The following XAB2 variants were observed in gnomAD, a reference collection of about 807,000 sequenced individuals.
XAB2 encodes XPA binding protein 2.
Under a neutral mutation model 113.4 loss-of-function variants are expected in XAB2, and 57 were observed. The observed-to-expected ratio is 0.50, with a 90% CI of 0.41 to 0.63. The LOEUF (loss-of-function observed/expected upper bound fraction) is 0.63, where lower values mean the gene tolerates loss of function less well. Ranked by LOEUF, XAB2 falls within the 20% of genes least tolerant of loss-of-function variation. The pLI is 0.00. For synonymous variants in XAB2, 497 were observed against 498.8 expected (o/e 1.00, Z 0.05); for missense variants, 1,037 against 1,233.3 (o/e 0.84, Z 2.38).
intron 12 of XAB2, 140 bp downstream of exon 12, chr19:7,622,191 G>A: frequency 1.2e-6 from 1 of 813,750 alleles, no homozygotes; most frequent in African/African-American, 1.7e-5. Context: ...CCAGGACGGG[G>A]AGAAGCTAAA....
rs371192037 is a variant in XAB2, at chr19:7,620,423, C to T, written c.2118G>A (p.Thr706=). 78 of 1,610,082 alleles carry T rather than the reference C, an allele frequency of 4.8e-5. No individual in the cohort carries two copies. Among genetic ancestry groups the T allele is most frequent in the Non-Finnish European group, 5.6e-5 (66 of 1,179,190 alleles). Residue 706 remains threonine (T), a synonymous_variant, in exon 16 of 19, where the codon ACG becomes ACA. Transcript: ENST00000358368. ...CATGCCGGACCTCAAAGTCCTTCCA[C>T]GTCTGCCAGAACGCGCCGGTCGTCT... ...DPRTTGAFWQ[T]WKDFEVRHGN... is the part of the protein sequence containing the mutation.
At position 7,621,449 on chromosome 19, in the gene XAB2, G is replaced by A. The variant is rs950561712; in HGVS notation, c.1618-152C>T. ...CCTCCCTGTCCCTAATGGCAGTTGT[G>A]GGGGTCTGTCCTCTGCACTGTCTCC... On this transcript the variant is annotated intron_variant, in intron 12 of 18. Transcript: ENST00000358368. 7 of 805,690 alleles carry A rather than the reference G, an allele frequency of 8.7e-6. No individual in the cohort carries two copies. In the East Asian group the frequency reaches 1.8e-4, roughly 21 times the overall value. The allele number at this position is 805,690 out of a possible 1,614,324, so 49.9% of individuals were successfully genotyped here.
chr19:7,628,097 C>T lies in XAB2; in HGVS notation c.200+53G>A. The T allele has an allele frequency of 6.3e-7, 1 of 1,579,474 alleles. No homozygotes were observed. Among genetic ancestry groups the T allele is most frequent in the Admixed American group, 1.9e-5 (1 of 53,844 alleles). On this transcript the variant is annotated intron_variant, in intron 2 of 18. Transcript: ENST00000358368. This position sits in a 1 kb window ranked among gnomAD's most constrained non-coding sequence, Gnocchi z 4.6. ...GACCCACTTGGCAGTTTTGTTATAACTGGACCAGGTGGGGTGGGGGCTGGT... is the reference window on the plus strand; with the variant it reads ...GACCCACTTGGCAGTTTTGTTATAATTGGACCAGGTGGGGTGGGGGCTGGT...
chr19:7,623,172 C>T lies in XAB2; in HGVS notation c.1237G>A (p.Asp413Asn), dbSNP rs773869873. Reference sequence around the variant, plus strand: ...GGCACACGCAACAGGGTGCTCACATCGTCCAGCTGTCCGTTGTCCTCATAA... The same window carrying T: ...GGCACACGCAACAGGGTGCTCACATTGTCCAGCTGTCCGTTGTCCTCATAA... The part of the protein sequence containing the change: ...KFYEDNGQLD[D>N]ARVILEKATK... The change falls in exon 9 of 19, where the codon GAT (aspartate) becomes AAT (asparagine). Residue 413 changes from aspartate (D) to asparagine (N), a missense_variant and splice_region_variant. Asp to Asn is a conservative substitution (Grantham distance 23). Coordinates refer to ENST00000358368, the MANE Select transcript of XAB2 (RefSeq NM_020196.3). The surrounding 1 kb of genome is among the most constrained non-coding windows in gnomAD (Gnocchi z 4.6). The T allele has an allele frequency of 1.9e-6, 3 of 1,613,386 alleles. No individual in the cohort carries two copies. Among genetic ancestry groups the T allele is most frequent in the African/African-American group, 1.3e-5 (1 of 74,946 alleles).
rs2030995078 is a variant in XAB2, at chr19:7,620,043, C to T, written c.2299G>A (p.Asp767Asn). 6.2e-7 allele frequency: 1 copy of T among 1,612,282 alleles called. No individual in the cohort carries two copies. Among genetic ancestry groups the T allele is most frequent in the African/African-American group, 1.3e-5 (1 of 74,950 alleles). The change falls in exon 17 of 19, where the codon GAC becomes AAC. Residue 767 changes from aspartate (D) to asparagine (N), a missense_variant. By Grantham distance (23) the Asp-to-Asn change is conservative (BLOSUM62 1). Transcript: ENST00000358368. ...CGCTGTTCCAGCAGCTTCATGTCGTCCATGCCACTCTGCCCAGGGGCCAGG... is the reference window on the plus strand; with the variant it reads ...CGCTGTTCCAGCAGCTTCATGTCGTTCATGCCACTCTGCCCAGGGGCCAGG... Reference protein sequence around the residue: ...SDLAPGQSGMDDMKLLEQRAE... With the variant: ...SDLAPGQSGMNDMKLLEQRAE...
Position 7,623,386 on chromosome 19 carries a change from C to T in XAB2, c.1120-97G>A. 1 of 1,503,242 alleles carries T rather than the reference C, an allele frequency of 6.7e-7. No homozygotes were observed. The highest frequency in any genetic ancestry group is 9.0e-7 in the Non-Finnish European group (1 of 1,107,938). The allele number at this position is 1,503,242 out of a possible 1,614,324, so 93.1% of individuals were successfully genotyped here. A position where few individuals can be genotyped will look rare whatever the true frequency, so the allele number is the denominator to read the frequency against. ...TCTGAGGGGTGGGGCCTGGAGGGTG[C>T]TGTGGCCCCTGTCGGGAGAGGCCAG... On this transcript the variant is annotated intron_variant, in intron 8 of 18. Transcript: ENST00000358368. The surrounding 1 kb of genome is among the most constrained non-coding windows in gnomAD (Gnocchi z 4.6).
rs749032667 is a variant in XAB2, at chr19:7,624,286, C to A, written c.967+15G>T. On this transcript the variant is annotated intron_variant, in intron 7 of 18. Coordinates refer to ENST00000358368, the MANE Select transcript of XAB2 (RefSeq NM_020196.3). This position sits in a 1 kb window ranked among gnomAD's most constrained non-coding sequence, Gnocchi z 4.2. ...TCAGCTCTCTCCCCACCAGCCGGGGCCCCCAGAGGCTCACCCTCCTCCTCG... is the reference window on the plus strand; with the variant it reads ...TCAGCTCTCTCCCCACCAGCCGGGGACCCCAGAGGCTCACCCTCCTCCTCG... 9.3e-6 allele frequency: 15 copies of A among 1,612,124 alleles called. No individual in the cohort carries two copies. The highest frequency in any genetic ancestry group is 1.3e-5 in the African/African-American group (1 of 75,044).
chr19:7,621,002 C>G lies in XAB2; in HGVS notation c.1815G>C (p.Glu605Asp), dbSNP rs929247855. 4.5e-5 allele frequency: 70 copies of G among 1,564,576 alleles called. No homozygotes were observed. The highest frequency in any genetic ancestry group is 5.7e-5 in the Non-Finnish European group (66 of 1,156,280). The change falls in exon 14 of 19, where the codon GAG (glutamate) becomes GAC (aspartate). Residue 605 changes from glutamate to aspartate, a missense_variant. Transcript: ENST00000358368. ...LYLLYAQLEE[E>D]WGLARHAMAV... is the part of the protein sequence containing the mutation. ...CCATGGCATGCCGGGCCAGGCCCCACTCCTCCTCCAGCTGTGCGTACAGCA... is the reference window on the plus strand; with the variant it reads ...CCATGGCATGCCGGGCCAGGCCCCAGTCCTCCTCCAGCTGTGCGTACAGCA...
chr19:7,623,072 A>G lies in XAB2; in HGVS notation c.1239+98T>C. 4.4e-6 allele frequency: 7 copies of G among 1,574,546 alleles called. No individual in the cohort carries two copies. Among genetic ancestry groups the G allele is most frequent in the Non-Finnish European group, 6.0e-6 (7 of 1,161,098 alleles). On this transcript the variant is annotated intron_variant, in intron 9 of 18. Transcript: ENST00000358368. The surrounding 1 kb of genome is among the most constrained non-coding windows in gnomAD (Gnocchi z 4.6). ...CAAATGCACATGCACACACACGTGC[A>G]CACATCCATGCACAAATATGTACAC...
Position 7,627,361 on chromosome 19 carries a change from C to T in XAB2, c.404G>A (p.Arg135His), listed in dbSNP as rs1182734293. 15 of 1,613,260 alleles carry T rather than the reference C, an allele frequency of 9.3e-6. No individual in the cohort carries two copies. Among genetic ancestry groups the T allele is most frequent in the Admixed American group, 5.0e-5 (3 of 59,978 alleles). The change falls in exon 4 of 19, where the codon CGT becomes CAT. Residue 135 changes from arginine (R) to histidine (H), a missense_variant. Arg to His is a conservative substitution (Grantham distance 29, BLOSUM62 0). Transcript: ENST00000358368. The surrounding 1 kb of genome is among the most constrained non-coding windows in gnomAD (Gnocchi z 4.5). ...RVTHTRRTFDRALRALPITQH... is the reference protein window; with the variant it reads ...RVTHTRRTFDHALRALPITQH... Reference sequence around the variant, plus strand: ...CGTGATGGGCAGTGCCCGGAGGGCACGGTCGAAGGTGCGGCGGGTGTGTGT... The same window carrying T: ...CGTGATGGGCAGTGCCCGGAGGGCATGGTCGAAGGTGCGGCGGGTGTGTGT...
rs1231920156 is a variant in XAB2, at chr19:7,620,590, G to A, written c.2051C>T (p.Ala684Val). Residue 684 changes from alanine (A) to valine (V), a missense_variant, in exon 15 of 19, where the codon GCC becomes GTC. Coordinates refer to ENST00000358368, the MANE Select transcript of XAB2 (RefSeq NM_020196.3). Reference sequence around the variant, plus strand: ...GGAGCAGAAGCTGTAGATGGCCCGGGCGCGGTCAATCTCCCCGAGCTTGCA... The same window carrying A: ...GGAGCAGAAGCTGTAGATGGCCCGGACGCGGTCAATCTCCCCGAGCTTGCA... The part of the protein sequence containing the change: ...MECKLGEIDR[A>V]RAIYSFCSQI... 1.2e-6 allele frequency: 2 copies of A among 1,613,346 alleles called. No individual in the cohort carries two copies. The highest frequency in any genetic ancestry group is 1.7e-5 in the Admixed American group (1 of 60,022).
Position 7,623,435 on chromosome 19 carries a change from T to C in XAB2, c.1120-146A>G, listed in dbSNP as rs1241210074. Reference sequence around the variant, plus strand: ...AGAAACGAACTATGGCCCTTGACAATGGTCAGGACCAAGAGAGAGCTGTGG... The same window carrying C: ...AGAAACGAACTATGGCCCTTGACAACGGTCAGGACCAAGAGAGAGCTGTGG... On this transcript the variant is annotated intron_variant, in intron 8 of 18. Coordinates refer to ENST00000358368, the MANE Select transcript of XAB2 (RefSeq NM_020196.3). This position sits in a 1 kb window ranked among gnomAD's most constrained non-coding sequence, Gnocchi z 4.6. 2 of 1,178,158 alleles carry C rather than the reference T, an allele frequency of 1.7e-6. No individual in the cohort carries two copies. Among genetic ancestry groups the C allele is most frequent in the African/African-American group, 1.6e-5 (1 of 64,278 alleles). The allele number at this position is 1,178,158 out of a possible 1,614,324, so 73.0% of individuals were successfully genotyped here. A position where few individuals can be genotyped will look rare whatever the true frequency, so the allele number is the denominator to read the frequency against.
At position 7,626,928 on chromosome 19, in the gene XAB2, G is replaced by A. The variant is rs150610536; in HGVS notation, c.522+315C>T. 1.9e-3 allele frequency among the ~76,000 whole-genome samples: 291 copies of A among 152,260 alleles called. 1 individual carries two copies. Among genetic ancestry groups the A allele is most frequent in the African/African-American group, 6.5e-3 (270 of 41,550 alleles). On this transcript the variant is annotated intron_variant, in intron 4 of 18. Coordinates refer to ENST00000358368, the MANE Select transcript of XAB2 (RefSeq NM_020196.3). ...ACCCCTATTCCTGGCCCTCTTCATG[G>A]CTGTGGTTTTACTCTAGTTCATGCC... is the stretch of plus-strand genomic sequence containing the variant.
In XAB2 at chr19:7,622,636, C is replaced by T. The variant is rs751858789; in HGVS notation, c.1397G>A (p.Arg466Gln). 26 of 1,611,596 alleles carry T rather than the reference C, an allele frequency of 1.6e-5. No individual in the cohort carries two copies. The South Asian group carries it at 1.9e-4, about 12-fold the overall frequency. The change falls in exon 11 of 19, where the codon CGG becomes CAG. Residue 466 changes from arginine (R) to glutamine (Q), a missense_variant. By Grantham distance (43) the Arg-to-Gln change is conservative. Coordinates refer to ENST00000358368, the MANE Select transcript of XAB2 (RefSeq NM_020196.3). ...CTCTGAACCATCAAAGTACTCGGCC[C>T]GGCGGGCAGGCAGCGCCGTGGCCTT... ...LRKATALPAR[R>Q]AEYFDGSEPV... is the part of the protein sequence containing the mutation.
intron 12 of XAB2, 142 bp from the exon 13 acceptor site, chr19:7,621,439 T>C (rs2031032020): frequency 2.3e-6 from 2 of 869,188 alleles, no homozygotes; most frequent in Non-Finnish European, 3.6e-6. Flanking sequence ...CTGTCCCTAA[T>C]GGCAGTTGTG....
rs893004712 is a variant in XAB2 at position 7,624,600 on chromosome 19, G to A, written c.823-155C>T. On this transcript the variant is annotated intron_variant, in intron 6 of 18. Transcript: ENST00000358368. This position sits in a 1 kb window ranked among gnomAD's most constrained non-coding sequence, Gnocchi z 4.2. ...GTAGTGACCCCAGGACAGAGCCTCC[G>A]TGGAGCCTTCTCACCCCCGCCCTGC... is the stretch of plus-strand genomic sequence containing the variant. Among the ~76,000 whole-genome samples the A allele has an allele frequency of 3.9e-5, 6 of 152,030 alleles. 1 individual carries two copies. The highest frequency in any genetic ancestry group is 4.1e-4 in the South Asian group (2 of 4,828).
In XAB2 at chr19:7,627,522, G is replaced by A; in HGVS notation, c.325-82C>T. On this transcript the variant is annotated intron_variant, in intron 3 of 18. Coordinates refer to ENST00000358368, the MANE Select transcript of XAB2 (RefSeq NM_020196.3). The surrounding 1 kb of genome is among the most constrained non-coding windows in gnomAD (Gnocchi z 4.5). Reference sequence around the variant, plus strand: ...CAGACACTCGATGTCCTGTGGCTGAGCCACACCTGGGGCCACCACATAAAT... The same window carrying A: ...CAGACACTCGATGTCCTGTGGCTGAACCACACCTGGGGCCACCACATAAAT... The A allele has an allele frequency of 6.5e-7, 1 of 1,548,302 alleles. No homozygotes were observed. Among genetic ancestry groups the A allele is most frequent in the Non-Finnish European group, 8.8e-7 (1 of 1,139,428 alleles).
rs1466380137 is a variant in XAB2 at position 7,625,399 on chromosome 19, G to A, written c.822+481C>T. On this transcript the variant is annotated intron_variant, in intron 6 of 18. Transcript: ENST00000358368. This position sits in a 1 kb window ranked among gnomAD's most constrained non-coding sequence, Gnocchi z 5.2. The stretch of plus-strand genomic sequence containing the variant: ...CTGACTCCAAGGCTGACGTGCCTGC[G>A]GGCAGGAGTGCTCCCCCACCCTCAG... Among the ~76,000 whole-genome samples, 3 of 152,218 alleles carry A rather than the reference G, an allele frequency of 2.0e-5. No homozygotes were observed. The highest frequency in any genetic ancestry group is 1.9e-4 in the East Asian group (1 of 5,178).
Position 7,627,411 on chromosome 19 carries a change from C to A in XAB2, c.354G>T (p.Gln118His). ...KMPRLWLDYC[Q>H]FLMDQGRVTH... ...TGACGCGCCCCTGGTCCATGAGGAACTGGCAGTAATCTAGCCACAGACGAG... is the reference window on the plus strand; with the variant it reads ...TGACGCGCCCCTGGTCCATGAGGAAATGGCAGTAATCTAGCCACAGACGAG... The change falls in exon 4 of 19, where the codon CAG becomes CAT. Residue 118 changes from glutamine to histidine, a missense_variant. Transcript: ENST00000358368. The surrounding 1 kb of genome is among the most constrained non-coding windows in gnomAD (Gnocchi z 4.5). 1 of 1,606,128 alleles carries A rather than the reference C, an allele frequency of 6.2e-7. No individual in the cohort carries two copies. Among genetic ancestry groups the A allele is most frequent in the East Asian group, 2.2e-5 (1 of 44,602 alleles).
Sources: gnomAD v4.1 joint callset for allele counts (sites outside exome capture counted in the v4.1 genomes callset) on GRCh38, gnomAD v4.1.1 for gene constraint, Gnocchi (gnomAD v3.1) non-coding constraint, MANE v1.5 for transcripts, NCBI Gene and HGNC (gene_info 2026-07-23, HGNC 2026-07-21) for gene names.